DGKH: variants seen among roughly 807,000 people sequenced by gnomAD.
The protein encoded by DGKH is diacylglycerol kinase eta.
In DGKH, 90 loss-of-function variants were observed where a neutral mutation model predicts 159.3. That is an observed-to-expected ratio of 0.57 (90% confidence interval 0.48 to 0.67). DGKH has a LOEUF of 0.67. Among genes scored for constraint, DGKH ranks in the 30% least tolerant of loss-of-function variants. The probability of loss-of-function intolerance (pLI) is 0.00; values close to 1 mark genes in which losing one functional copy is unlikely to be tolerated. For synonymous variants in DGKH, 536 were observed against 553.8 expected (o/e 0.97, Z 0.45); for missense variants, 1,181 against 1,506.1 (o/e 0.78, Z 3.57).
chr13:42,121,571 A>G (rs1207568109), intron 1 of DGKH, among the ~76,000 whole-genome samples: 1 of 152,230 alleles, frequency 6.6e-6, no homozygotes, highest in Non-Finnish European at 1.5e-5. Context: ...GGCCAGTGCA[A>G]AAGGCAGGTA....
At chr13:42,206,202 A>C in intron 21 of DGKH, 56 bp downstream of exon 21, 1 of 1,202,284 alleles carries the variant, frequency 8.3e-7, no homozygotes, top group Non-Finnish European at 1.1e-6. Flanking sequence ...TCACTGGAAT[A>C]ATTTGCTTTT....
chr13:42,048,196 C>G (rs1026682295), upstream of DGKH, among the ~76,000 whole-genome samples: 2 of 152,152 alleles, frequency 1.3e-5, no homozygotes, highest in Non-Finnish European at 2.9e-5. This position sits in a 1 kb window ranked among gnomAD's most constrained non-coding sequence, Gnocchi z 6.7. Flanking sequence ...TCAGCTGGAA[C>G]CGCGCGGCGA....
chr13:42,237,434 A>C lies in DGKH; in HGVS notation c.*8246A>C, dbSNP rs1198684007. 6.6e-6 allele frequency: 1 copy of C among 152,210 alleles called. No individual in the cohort carries two copies. The highest frequency in any genetic ancestry group is 1.5e-5 in the Non-Finnish European group (1 of 68,034). The allele number at this position is 152,210 out of a possible 1,614,324, so 9.4% of individuals were successfully genotyped here. On this transcript the variant is annotated 3_prime_UTR_variant, in exon 30 of 30. Coordinates refer to ENST00000337343, the MANE Select transcript of DGKH (RefSeq NM_178009.5). ...AAAACTGGTGAGAGAAATTACATGG[A>C]AATTATAGGAAAAAGGAACTTGAAT...
At chr13:42,189,422 AGG>A in intron 15 of DGKH, 113 bp downstream of exon 15, 1 of 1,387,194 alleles carries the variant, frequency 7.2e-7, no homozygotes, top group Non-Finnish European at 9.6e-7. Context: ...AAAATTTTTA[AGG>A]CAAGATAGAA....
At chr13:42,169,462 C>A (rs927659766) in intron 11 of DGKH, among the ~76,000 whole-genome samples, 4 of 152,076 alleles carry the variant, frequency 2.6e-5, no homozygotes, top group African/African-American at 9.7e-5. Context: ...GTGTACCCTG[C>A]GTGTTATGGA....
At chr13:42,094,495 C>T (rs1954483750) in intron 1 of DGKH, among the ~76,000 whole-genome samples, 1 of 151,998 alleles carries the variant, frequency 6.6e-6, no homozygotes, top group South Asian at 2.1e-4. Context: ...TCAAAGAGGT[C>T]TGTCTTGGTA....
chr13:42,071,497 C>G (rs899642608), intron 1 of DGKH, among the ~76,000 whole-genome samples: 1 of 152,246 alleles, frequency 6.6e-6, no homozygotes, highest in African/African-American at 2.4e-5. Context: ...TATGAACATT[C>G]TCCTCACAGT....
chr13:42,121,758 G>A (rs982091652), intron 1 of DGKH, among the ~76,000 whole-genome samples: 1 of 152,174 alleles, frequency 6.6e-6, no homozygotes, highest in Non-Finnish European at 1.5e-5. Context: ...AAGCGTTAAG[G>A]CAGATTTATG....
At chr13:42,167,857 T>G (rs959421491) in intron 9 of DGKH, among the ~76,000 whole-genome samples, 18 of 152,188 alleles carry the variant, frequency 1.2e-4, no homozygotes, top group African/African-American at 4.3e-4. Flanking sequence ...CCCTCTAATA[T>G]TTTTCAGATT....
intron 29 of DGKH, among the ~76,000 whole-genome samples, chr13:42,224,661 C>T (rs965015966): frequency 1.1e-5 from 1 of 87,054 alleles, no homozygotes; most frequent in East Asian, 6.7e-4. Flanking sequence ...ATGTATTCAA[C>T]CTCCTGTGAA....
upstream of DGKH, among the ~76,000 whole-genome samples, chr13:42,047,911 C>G (rs186773964): frequency 3.3e-4 from 50 of 152,234 alleles, no homozygotes; most frequent in Non-Finnish European, 5.0e-4. Context: ...TTTCTCCACG[C>G]CCTTCCCAGT....
At chr13:42,160,669 A>C (rs1241357922) in intron 7 of DGKH, among the ~76,000 whole-genome samples, 1 of 152,200 alleles carries the variant, frequency 6.6e-6, no homozygotes, top group East Asian at 1.9e-4. Context: ...CATGGGACTG[A>C]AAAACTGCAG....
rs1193960000 is a variant in DGKH at position 42,215,592 on chromosome 13, T to C, written c.3138T>C (p.Thr1046=). The change falls in exon 26 of 30, where the codon ACT becomes ACC. Residue 1046 remains threonine (T), a synonymous_variant. Transcript: ENST00000337343. ...PRCPESLTRD[T]ATEIAINVKA... is the part of the protein sequence containing the mutation. ...TTTTCTAGAGTCTTACAAGAGACAC[T>C]GCCACTGAAATAGCCATCAATGTGA... The C allele has an allele frequency of 6.2e-7, 1 of 1,610,770 alleles. No individual in the cohort carries two copies. The highest frequency in any genetic ancestry group is 8.5e-7 in the Non-Finnish European group (1 of 1,178,006).
intron 1 of DGKH, among the ~76,000 whole-genome samples, chr13:42,112,694 A>C (rs1954885338): frequency 6.6e-6 from 1 of 152,232 alleles, no homozygotes; most frequent in Non-Finnish European, 1.5e-5. Context: ...ATCTGATTGC[A>C]TTGTCATTAA....
At chr13:42,201,245 C>G (rs1459857416) in intron 20 of DGKH, among the ~76,000 whole-genome samples, 1 of 152,162 alleles carries the variant, frequency 6.6e-6, no homozygotes, top group Non-Finnish European at 1.5e-5. Flanking sequence ...CCCGCCTCGG[C>G]CTTCCAAAGT....
At chr13:42,040,561 G>T (rs1016563549) in intron 1 of DGKH, among the ~76,000 whole-genome samples, 1 of 151,798 alleles carries the variant, frequency 6.6e-6, no homozygotes, top group Non-Finnish European at 1.5e-5. Context: ...GCGGAGGAAG[G>T]AGCGAGGGGC....
chr13:42,189,347 A>G (rs370409535), intron 15 of DGKH, 38 bp downstream of exon 15: 25 of 1,610,112 alleles, frequency 1.6e-5, no homozygotes, highest in African/African-American at 2.7e-5. Context: ...AGAAGTTGGC[A>G]GCATTTCTAC....
chr13:42,196,247 C>A lies in DGKH; in HGVS notation c.2167+1231C>A, dbSNP rs570956398. On this transcript the variant is annotated intron_variant, in intron 17 of 29. Coordinates refer to ENST00000337343, the MANE Select transcript of DGKH (RefSeq NM_178009.5). ...CATTTTAAGAATAGTTTCACAGTTCCCCAAAAAGTTAAACATAGAGTTTAC... is the reference window on the plus strand; with the variant it reads ...CATTTTAAGAATAGTTTCACAGTTCACCAAAAAGTTAAACATAGAGTTTAC... Among the ~76,000 whole-genome samples, 5 of 152,018 alleles carry A rather than the reference C, an allele frequency of 3.3e-5. No individual in the cohort carries two copies. The South Asian group carries it at 8.3e-4, about 25-fold the overall frequency.
At chr13:42,185,117 G>A (rs9525592) in intron 13 of DGKH, among the ~76,000 whole-genome samples, 38,783 of 151,828 alleles carry the variant, frequency 0.26, 5,086 homozygotes, top group African/African-American at 0.3. Context: ...GTTTCTGGTT[G>A]GTAGGACTTT....
Sources: gnomAD v4.1 joint callset for allele counts (sites outside exome capture counted in the v4.1 genomes callset) on GRCh38, gnomAD v4.1.1 for gene constraint, Gnocchi (gnomAD v3.1) non-coding constraint, MANE v1.5 for transcripts, NCBI Gene and HGNC (gene_info 2026-07-23, HGNC 2026-07-21) for gene names.